RAB6A: variants seen among roughly 807,000 people sequenced by gnomAD.
RAB6A encodes ras-related protein Rab-6A.
RAB6A carries 8 observed loss-of-function variants against 32.3 expected under a neutral mutation model. The ratio of observed to expected loss-of-function variants is 0.25; its 90% CI spans 0.15 to 0.45. RAB6A has a LOEUF of 0.45. Ranked by LOEUF, RAB6A falls within the 20% of genes least tolerant of loss-of-function variation. The pLI is 1.00. For synonymous variants in RAB6A, 73 were observed against 82.1 expected, an observed-to-expected ratio of 0.89 and a Z score of 0.60; for missense variants, 104 against 249.4, an observed-to-expected ratio of 0.42 and a Z score of 3.93.
Position 73,725,582 on chromosome 11 carries a change from C to A in RAB6A, c.130-4683G>T, listed in dbSNP as rs190228987. On this transcript the variant is annotated intron_variant, in intron 2 of 7. Transcript: ENST00000336083. ...GCAACAACAGAGAATCAGAAGCAAG[C>A]GAAAAGGGTTTCCCTTTATGAAACC... Among the ~76,000 whole-genome samples the A allele has an allele frequency of 7.9e-5, 12 of 152,122 alleles. No homozygotes were observed. The East Asian group carries it at 1.9e-3, about 24-fold the overall frequency.
At chr11:73,720,149 A>G (rs574678064) in intron 3 of RAB6A, among the ~76,000 whole-genome samples, 12 of 151,914 alleles carry the variant, frequency 7.9e-5, no homozygotes, top group Non-Finnish European at 1.8e-4. Flanking sequence ...AAAGGATGAA[A>G]GACAAAAATC....
chr11:73,683,771 T>G (rs1250363948), intron 6 of RAB6A, among the ~76,000 whole-genome samples: 1 of 152,042 alleles, frequency 6.6e-6, no homozygotes, highest in Non-Finnish European at 1.5e-5. Context: ...CGGGCTAGTC[T>G]TAAACTCCTG....
In RAB6A at chr11:73,737,784, G is replaced by A. The variant is rs191344536; in HGVS notation, c.71-6961C>T. ...CCAAGGCGGGTGGATCATGAGGTCA[G>A]GAGTTCAAGACCAGCCTGGCCAACA... On this transcript the variant is annotated intron_variant, in intron 1 of 7. Transcript: ENST00000336083. Among the ~76,000 whole-genome samples, 798 of 152,128 alleles carry A rather than the reference G, an allele frequency of 5.2e-3. 7 individuals carry two copies. The highest frequency in any genetic ancestry group is 0.018 in the African/African-American group (727 of 41,508).
chr11:73,704,634 G>A (rs1316931044), intron 6 of RAB6A, among the ~76,000 whole-genome samples: 1 of 151,866 alleles, frequency 6.6e-6, no homozygotes, highest in Non-Finnish European at 1.5e-5. Context: ...GCAGTGAGCT[G>A]AGATCGTGCC....
chr11:73,759,948 G>GGAGTAGTGTAGAT, intron 1 of RAB6A: 1 of 1,008,916 alleles, frequency 9.9e-7, no homozygotes, highest in Non-Finnish European at 1.3e-6. Flanking sequence ...ACCACCCCAT[G>GGAGTAGTGTAGAT]CTCAAGTCGT....
intron 1 of RAB6A, among the ~76,000 whole-genome samples, chr11:73,758,059 C>G (rs1428636561): frequency 6.6e-6 from 1 of 152,190 alleles, no homozygotes; most frequent in Non-Finnish European, 1.5e-5. Context: ...TCTTTGAAAG[C>G]TGAATTGTGG....
At chr11:73,684,192 A>C (rs1945404755) in intron 6 of RAB6A, among the ~76,000 whole-genome samples, 2 of 143,476 alleles carry the variant, frequency 1.4e-5, no homozygotes, top group South Asian at 2.3e-4. Flanking sequence ...TCTGAGACAG[A>C]GTTTTGCTAT....
At chr11:73,744,191 A>AG in intron 1 of RAB6A, among the ~76,000 whole-genome samples, 1 of 151,800 alleles carries the variant, frequency 6.6e-6, no homozygotes, top group African/African-American at 2.4e-5. Flanking sequence ...ACAAAAAATT[A>AG]GCCGGGCATG....
chr11:73,719,621 T>C (rs1946105622), intron 3 of RAB6A, among the ~76,000 whole-genome samples: 1 of 152,072 alleles, frequency 6.6e-6, no homozygotes, highest in Admixed American at 6.6e-5. Context: ...TTCAAATTTT[T>C]TTTTTTTTTT....
At chr11:73,744,535 A>G (rs1326716616) in intron 1 of RAB6A, among the ~76,000 whole-genome samples, 3 of 116,448 alleles carry the variant, frequency 2.6e-5, no homozygotes, top group African/African-American at 6.2e-5. Context: ...AAAAAAAAAA[A>G]AAAAAAAAAA....
intron 1 of RAB6A, among the ~76,000 whole-genome samples, chr11:73,741,723 G>A (rs1450108823): frequency 6.6e-6 from 1 of 152,144 alleles, no homozygotes; most frequent in Non-Finnish European, 1.5e-5. Context: ...AGAACCTAAT[G>A]TGAACTATTA....
chr11:73,692,142 T>C (rs938136019), intron 6 of RAB6A, among the ~76,000 whole-genome samples: 1 of 152,112 alleles, frequency 6.6e-6, no homozygotes, highest in Admixed American at 6.6e-5. Context: ...CTTATTTTCA[T>C]ATCAAGTCAA....
chr11:73,689,814 G>A (rs117794071), intron 6 of RAB6A, among the ~76,000 whole-genome samples: 3,088 of 148,650 alleles, frequency 0.021, 45 homozygotes, highest in Non-Finnish European at 0.031. Context: ...TCAGAATCTC[G>A]ACTGTGCCTC....
chr11:73,709,472 A>ATTTTTTTTTTTTTTTT (rs1420062049), intron 5 of RAB6A, among the ~76,000 whole-genome samples: 2 of 147,202 alleles, frequency 1.4e-5, no homozygotes, highest in African/African-American at 4.9e-5. Flanking sequence ...TACTATTATT[A>ATTTTTTTTTTTTTTTT]TTATGACTCG....
chr11:73,702,859 TA>T (rs201827367), intron 6 of RAB6A, among the ~76,000 whole-genome samples: 5 of 151,520 alleles, frequency 3.3e-5, no homozygotes, highest in African/African-American at 4.9e-5. Context: ...TATATATTAT[TA>T]TTTTTTTTTT....
At chr11:73,714,203 A>ATATATATATAT (rs1202329143) in intron 5 of RAB6A, among the ~76,000 whole-genome samples, 1 of 62,610 alleles carries the variant, frequency 1.6e-5, no homozygotes, top group Admixed American at 2.0e-4. Context: ...AAAAAAAAAA[A>ATATATATATAT]AAAAAAATAT....
In RAB6A at chr11:73,760,836, C is replaced by T; in HGVS notation, c.-201G>A. The T allele has an allele frequency of 3.1e-6, 2 of 653,306 alleles. No individual in the cohort carries two copies. The highest frequency in any genetic ancestry group is 4.9e-6 in the Non-Finnish European group (2 of 405,368). 40.5% of individuals were successfully genotyped at this position (653,306 alleles called of 1,614,324 possible). ...CCGCCGCCGCCTCCCGGCAGAGTAG[C>T]CTAGCACCGAGCGAGGCCCGCGGCT... On this transcript the variant is annotated 5_prime_UTR_variant, in exon 1 of 8. Transcript: ENST00000336083.
rs935489449 is a variant in RAB6A, at chr11:73,753,165, A to G, written c.70+7401T>C. The stretch of plus-strand genomic sequence containing the variant: ...CTCCAGAGGCTGAGGTGGGAGGATC[A>G]CTTGAGCCCAGGAGCTCGTGGCTGC... On this transcript the variant is annotated intron_variant, in intron 1 of 7. Coordinates refer to ENST00000336083, the MANE Select transcript of RAB6A (RefSeq NM_198896.2). Among the ~76,000 whole-genome samples the G allele has an allele frequency of 1.8e-4, 27 of 152,270 alleles. 1 individual carries two copies. The highest frequency in any genetic ancestry group is 1.5e-3 in the Admixed American group (23 of 15,300).
chr11:73,688,593 C>G (rs971721102), intron 6 of RAB6A, among the ~76,000 whole-genome samples: 1 of 152,142 alleles, frequency 6.6e-6, no homozygotes, highest in Non-Finnish European at 1.5e-5. Flanking sequence ...GTCCCTGGGT[C>G]TTCTGCTAAG....
Sources: allele counts gnomAD v4.1 joint callset (sites outside exome capture counted in the v4.1 genomes callset), GRCh38; gene constraint gnomAD v4.1.1; transcripts MANE v1.5; gene names NCBI Gene and HGNC (gene_info 2026-07-23, HGNC 2026-07-21).